The following CREB3L1 variants were observed in gnomAD, a reference collection of about 807,000 sequenced individuals.
CREB3L1 encodes the protein cAMP responsive element binding protein 3 like 1.
Under a neutral mutation model 54.5 loss-of-function variants are expected in CREB3L1, and 33 were observed. The observed-to-expected ratio is 0.61, with a 90% confidence interval of 0.46 to 0.81. CREB3L1 has a LOEUF of 0.81. CREB3L1 is among the 30% of genes least tolerant of loss of function. The probability of loss-of-function intolerance (pLI) is 0.00; values close to 1 mark genes in which losing one functional copy is unlikely to be tolerated. For missense variants in CREB3L1, 656 were observed against 673.3 expected, an observed-to-expected ratio of 0.97 and a Z score of 0.29; for synonymous variants, 284 against 286.4, an observed-to-expected ratio of 0.99 and a Z score of 0.08.
At chr11:46,304,338 G>A (rs1273823962) in intron 2 of CREB3L1, among the ~76,000 whole-genome samples, 2 of 152,316 alleles carry the variant, frequency 1.3e-5, no homozygotes, top group East Asian at 3.9e-4. Context: ...CGGGAGTGGT[G>A]GCGCATGCCT....
intron 5 of CREB3L1, among the ~76,000 whole-genome samples, chr11:46,311,967 G>A (rs566700266): frequency 6.6e-6 from 1 of 152,176 alleles, no homozygotes; most frequent in African/African-American, 2.4e-5. Flanking sequence ...ATGGAGCTAG[G>A]CCCTGAGCCC....
intron 9 of CREB3L1, among the ~76,000 whole-genome samples, chr11:46,316,784 C>G (rs890123012): frequency 6.6e-6 from 1 of 152,188 alleles, no homozygotes; most frequent in Admixed American, 6.5e-5. Context: ...CCCTGGAAAC[C>G]CGGAAGGCTC....
rs1938893943 is a variant in CREB3L1 at position 46,277,744 on chromosome 11, C to G, written c.-368C>G. On this transcript the variant is annotated 5_prime_UTR_variant, in exon 1 of 12. Coordinates refer to ENST00000621158, the MANE Select transcript of CREB3L1 (RefSeq NM_052854.4). ...GCAGCCACCCAGTCTCGGGGGAGCACTTAGCTCCCCCGCCCCGGCTCCCAC... is the reference window on the plus strand; with the variant it reads ...GCAGCCACCCAGTCTCGGGGGAGCAGTTAGCTCCCCCGCCCCGGCTCCCAC... The G allele has an allele frequency of 4.4e-6, 1 of 229,268 alleles. No homozygotes were observed. The highest frequency in any genetic ancestry group is 8.6e-6 in the Non-Finnish European group (1 of 116,758). 14.2% of individuals were successfully genotyped at this position (229,268 alleles called of 1,614,324 possible).
In CREB3L1 at chr11:46,311,155, C is replaced by A; in HGVS notation, c.719C>A (p.Ala240Asp). 6.2e-7 allele frequency: 1 copy of A among 1,600,532 alleles called. No homozygotes were observed. Among genetic ancestry groups the A allele is most frequent in the South Asian group, 1.1e-5 (1 of 90,440 alleles). ...AGGCCCATGGCGCGCTCCTCCACGG[C>A]CATCTCCACCTCCCCACTCCTCACT... ...PVRPMARSST[A>D]ISTSPLLTAP... The change falls in exon 5 of 12, where the codon GCC becomes GAC. Residue 240 changes from alanine to aspartate, a missense_variant. Ala to Asp is a moderately radical substitution (Grantham distance 126). Coordinates refer to ENST00000621158, the MANE Select transcript of CREB3L1 (RefSeq NM_052854.4).
chr11:46,315,236 C>T (rs570569180), intron 8 of CREB3L1: 3 of 238,018 alleles, frequency 1.3e-5, no homozygotes, highest in Admixed American at 1.1e-4. Flanking sequence ...ACCTGACCCC[C>T]CACCCCACCC....
rs1420605372 is a variant in CREB3L1 at position 46,277,688 on chromosome 11, G to A, written c.-424G>A. 5.0e-6 allele frequency: 1 copy of A among 199,784 alleles called. No homozygotes were observed. Among genetic ancestry groups the A allele is most frequent in the African/African-American group, 2.3e-5 (1 of 43,432 alleles). The allele number at this position is 199,784 out of a possible 1,614,324, so 12.4% of individuals were successfully genotyped here. A position where few individuals can be genotyped will look rare whatever the true frequency, so the allele number is the denominator to read the frequency against. ...GAGAGGAAAGTGACAGAAGACGTGC[G>A]GAGGGAGACGCAGAGACAGAGGAGA... On this transcript the variant is annotated 5_prime_UTR_variant, in exon 1 of 12. Coordinates refer to ENST00000621158, the MANE Select transcript of CREB3L1 (RefSeq NM_052854.4).
rs1422018423 is a variant in CREB3L1 at position 46,320,245 on chromosome 11, T to A, written c.1259-19T>A. 1.9e-6 allele frequency: 3 copies of A among 1,575,238 alleles called. No individual in the cohort carries two copies. Among genetic ancestry groups the A allele is most frequent in the South Asian group, 1.2e-5 (1 of 85,640 alleles). On this transcript the variant is annotated intron_variant, in intron 10 of 11. Coordinates refer to ENST00000621158, the MANE Select transcript of CREB3L1 (RefSeq NM_052854.4). ...GAGGGAATCTTGGGCACACCGCTCA[T>A]CCTACACTCCCTCTCCAGTGCCCTC...
chr11:46,302,171 T>TAAC lies in CREB3L1; in HGVS notation c.331+2010_331+2011insCAA, dbSNP rs776058809. Among the ~76,000 whole-genome samples the TAAC allele has an allele frequency of 2.8e-3, 115 of 41,046 alleles. No individual in the cohort carries two copies. The East Asian group carries it at 0.032, about 12-fold the overall frequency. The allele number at this position is 41,046 out of a possible 152,430, so 26.9% of individuals were successfully genotyped here. ...CAACAGAGCGAGGCTCCGTCTCAAA[T>TAAC]AATAATAATAATAATAATAATAATA... On this transcript the variant is annotated intron_variant, in intron 2 of 11. Coordinates refer to ENST00000621158, the MANE Select transcript of CREB3L1 (RefSeq NM_052854.4).
intron 8 of CREB3L1, among the ~76,000 whole-genome samples, chr11:46,314,961 G>T (rs1405699077): frequency 6.6e-6 from 1 of 152,014 alleles, no homozygotes; most frequent in African/African-American, 2.4e-5. Flanking sequence ...TCCTGCCTCA[G>T]CCTCCCACAA....
Position 46,316,383 on chromosome 11 carries a change from A to G in CREB3L1, c.1129A>G (p.Met377Val), listed in dbSNP as rs1324876568. The G allele has an allele frequency of 2.6e-6, 4 of 1,547,716 alleles. No individual in the cohort carries two copies. Among genetic ancestry groups the G allele is most frequent in the Admixed American group, 1.9e-5 (1 of 52,528 alleles). ...CGCCACCCAGACTGGGACCTGCCTC[A>G]TGGTAGGTGTGGCTCCCTCCACCAC... ...MAATQTGTCL[M>V]VAALCFVLVL... The change falls in exon 9 of 12, where the codon ATG becomes GTG. Residue 377 changes from methionine (M) to valine (V), a missense_variant and splice_region_variant. This residue lies in a region of CREB3L1 where 240 missense variants were observed against 219.8 expected (regional missense o/e 1.09). Transcript: ENST00000621158.
At chr11:46,285,493 C>T (rs1158095526) in intron 1 of CREB3L1, among the ~76,000 whole-genome samples, 1 of 152,092 alleles carries the variant, frequency 6.6e-6, no homozygotes, top group East Asian at 1.9e-4. Context: ...AGGAAATGCC[C>T]CAGGACTCTG....
chr11:46,302,990 T>A (rs1355142477), intron 2 of CREB3L1, among the ~76,000 whole-genome samples: 3 of 151,668 alleles, frequency 2.0e-5, no homozygotes, highest in Non-Finnish European at 4.4e-5. Context: ...CAAAAAAAAA[T>A]AAAAAAGAAA....
intron 1 of CREB3L1, among the ~76,000 whole-genome samples, chr11:46,290,812 G>A (rs1939119816): frequency 6.6e-6 from 1 of 152,098 alleles, no homozygotes; most frequent in African/African-American, 2.4e-5. Flanking sequence ...GGCAAGGAAG[G>A]TGGTAGTTCC....
In CREB3L1 at chr11:46,277,977, C is replaced by T. The variant is rs1250705566; in HGVS notation, c.-135C>T. 2.1e-5 allele frequency: 9 copies of T among 431,508 alleles called. 1 individual carries two copies. Among genetic ancestry groups the T allele is most frequent in the Non-Finnish European group, 3.1e-5 (8 of 254,792 alleles). The allele number at this position is 431,508 out of a possible 1,614,324, so 26.7% of individuals were successfully genotyped here. A position where few individuals can be genotyped will look rare whatever the true frequency, so the allele number is the denominator to read the frequency against. On this transcript the variant is annotated 5_prime_UTR_variant, in exon 1 of 12. Coordinates refer to ENST00000621158, the MANE Select transcript of CREB3L1 (RefSeq NM_052854.4). ...CCCGGGGCCGCGCCGCCTCCGTCCGCCCCTCCCCCGGGGCTTCGCCCCGGA... is the reference window on the plus strand; with the variant it reads ...CCCGGGGCCGCGCCGCCTCCGTCCGTCCCTCCCCCGGGGCTTCGCCCCGGA...
chr11:46,319,534 A>G (rs1939616451), intron 10 of CREB3L1, among the ~76,000 whole-genome samples: 1 of 152,164 alleles, frequency 6.6e-6, no homozygotes, highest in Admixed American at 6.6e-5. Context: ...CTGAAGGGCA[A>G]ATTAGGATCT....
chr11:46,284,581 G>A (rs540464991), intron 1 of CREB3L1, among the ~76,000 whole-genome samples: 23 of 151,956 alleles, frequency 1.5e-4, no homozygotes, highest in Admixed American at 1.3e-3. Flanking sequence ...TTGAACCCAG[G>A]AGGTGGAGAT....
chr11:46,307,387 G>A (rs1939413963), intron 2 of CREB3L1, among the ~76,000 whole-genome samples: 1 of 152,198 alleles, frequency 6.6e-6, no homozygotes, highest in Non-Finnish European at 1.5e-5. Context: ...ACGGCGCTCA[G>A]CCTGAACATT....
At chr11:46,305,766 C>T (rs1939386810) in intron 2 of CREB3L1, among the ~76,000 whole-genome samples, 1 of 145,694 alleles carries the variant, frequency 6.9e-6, no homozygotes, top group Non-Finnish European at 1.5e-5. Context: ...AAGACGGAGT[C>T]TCGCTCTGTC....
chr11:46,293,874 G>A (rs894565063), intron 1 of CREB3L1, among the ~76,000 whole-genome samples: 8 of 152,200 alleles, frequency 5.3e-5, no homozygotes, highest in East Asian at 1.9e-4. Flanking sequence ...GTGTGTGAGC[G>A]TAGGGGTGTG....
Sources: allele counts gnomAD v4.1 joint callset (sites outside exome capture counted in the v4.1 genomes callset), GRCh38; gene constraint gnomAD v4.1.1; regional missense constraint gnomAD v4.1.1; transcripts MANE v1.5; gene names NCBI Gene and HGNC (gene_info 2026-07-23, HGNC 2026-07-21).